Variants in COL4A5 observed in about 807,000 individuals in gnomAD.
COL4A5 encodes collagen alpha-5(IV) chain.
COL4A5 carries 26 observed loss-of-function variants against 130.2 expected under a neutral mutation model. The ratio of observed to expected loss-of-function variants is 0.20; its 90% CI spans 0.15 to 0.28. The LOEUF (loss-of-function observed/expected upper bound fraction) is 0.28, where lower values mean the gene tolerates loss of function less well. Among genes scored for constraint, COL4A5 ranks in the 10% least tolerant of loss-of-function variants. The pLI, the probability that COL4A5 is intolerant of heterozygous loss-of-function variation, is 1.00. For missense variants in COL4A5, 1,131 were observed against 1,344.3 expected (o/e 0.84, Z 2.48); for synonymous variants, 496 against 439.6 (o/e 1.13, Z -1.60).
chrX:108,508,557 CA>C (rs1182036182), intron 1 of COL4A5, among the ~76,000 whole-genome samples: 2,679 of 38,130 alleles, frequency 0.07, 61 homozygotes, highest in African/African-American at 0.18. Context: ...CATGTAGGAC[CA>C]AAAAAAAAAA....
Position 108,652,258 on chromosome X carries a change from A to T in COL4A5, c.3247-3073A>T, listed in dbSNP as rs766792922. Among the ~76,000 whole-genome samples, 3 of 112,385 alleles carry T rather than the reference A, an allele frequency of 2.7e-5. No homozygotes were observed. In the South Asian group the frequency reaches 1.1e-3, roughly 41 times the overall value. ...ATATAAATTAATAAAGCTTTAAAAA[A>T]GTATCTCTGCATGCACTTTTAAATT... On this transcript the variant is annotated intron_variant, in intron 36 of 52. Coordinates refer to ENST00000328300, the MANE Select transcript of COL4A5 (RefSeq NM_033380.3).
At chrX:108,598,198 T>TTAAA (rs913614754) in intron 24 of COL4A5, among the ~76,000 whole-genome samples, 70 of 110,549 alleles carry the variant, frequency 6.3e-4, no homozygotes, top group African/African-American at 2.0e-3. Context: ...TCACAATAAA[T>TTAAA]TAAATAAATA....
chrX:108,477,282 C>G (rs779493502), intron 1 of COL4A5, among the ~76,000 whole-genome samples: 1 of 111,608 alleles, frequency 9.0e-6, no homozygotes, highest in Admixed American at 9.5e-5. Context: ...CTCCTGGGAT[C>G]ATACATAATC....
chrX:108,455,808 G>A (rs1218432030), intron 1 of COL4A5, among the ~76,000 whole-genome samples: 1 of 111,518 alleles, frequency 9.0e-6, no homozygotes, highest in Non-Finnish European at 1.9e-5. Context: ...TGCAGGTGTA[G>A]GTTGAAACTC....
At chrX:108,543,072 A>G (rs1323153597) in intron 2 of COL4A5, among the ~76,000 whole-genome samples, 2 of 110,943 alleles carry the variant, frequency 1.8e-5, no homozygotes, top group Non-Finnish European at 3.8e-5. Context: ...GTTCACTCTG[A>G]TAGTAGTTTC....
intron 37 of COL4A5, among the ~76,000 whole-genome samples, chrX:108,658,455 C>T (rs2067888908): frequency 9.0e-6 from 1 of 110,754 alleles, no homozygotes; most frequent in Non-Finnish European, 1.9e-5. Context: ...ATTTGCTGGC[C>T]TTATGAGCTG....
At position 108,526,648 on chromosome X, in the gene COL4A5, CTT is replaced by C. The variant is rs1203614591; in HGVS notation, c.82-13096_82-13095del. 4.4e-3 allele frequency among the ~76,000 whole-genome samples: 228 copies of C among 52,205 alleles called. 5 individuals carry two copies. The highest frequency in any genetic ancestry group is 0.021 in the African/African-American group (200 of 9,476). The allele number at this position is 52,205 out of a possible 115,157, so 45.3% of individuals were successfully genotyped here. A position where few individuals can be genotyped will look rare whatever the true frequency, so the allele number is the denominator to read the frequency against. ...TCTTTCTTTCTTTCTTTCTTTCTTTCTTTCTTTCTTTCTTCTTTCTTTCTCTT... is the reference window on the plus strand; with the variant it reads ...TCTTTCTTTCTTTCTTTCTTTCTTTCTCTTTCTTTCTTCTTTCTTTCTCTT... On this transcript the variant is annotated intron_variant, in intron 1 of 52. Transcript: ENST00000328300.
At chrX:108,495,277 A>T (rs971230818) in intron 1 of COL4A5, among the ~76,000 whole-genome samples, 2 of 111,502 alleles carry the variant, frequency 1.8e-5, no homozygotes, top group Non-Finnish European at 3.8e-5. Context: ...AGAAAAAAAT[A>T]AAATCATCAC....
Position 108,559,157 on chromosome X carries a change from T to C in COL4A5, c.231+4T>C. ...TCCGGGGCCTCGGGGACAAAAGGTA[T>C]GTATCATGTTGCCAACCAGTAATGC... On this transcript the variant is annotated splice_donor_region_variant and intron_variant, in intron 3 of 52. Transcript: ENST00000328300. 5 of 1,185,738 alleles carry C rather than the reference T, an allele frequency of 4.2e-6. No individual in the cohort carries two copies. Among genetic ancestry groups the C allele is most frequent in the Non-Finnish European group, 5.7e-6 (5 of 871,697 alleles).
intron 1 of COL4A5, among the ~76,000 whole-genome samples, chrX:108,460,656 ATTTTTTTTTTTTTT>A (rs751991149): frequency 3.0e-4 from 12 of 39,455 alleles, no homozygotes; most frequent in Admixed American, 2.8e-3. Context: ...CGCCTGGCAA[ATTTTTTTTTTTTTT>A]TTTTTTTTTT....
chrX:108,538,284 T>G (rs2065483758), intron 1 of COL4A5, among the ~76,000 whole-genome samples: 1 of 112,002 alleles, frequency 8.9e-6, no homozygotes, highest in African/African-American at 3.2e-5. Flanking sequence ...TGTAGTGTAG[T>G]TAGCGTAAAA....
At chrX:108,585,020 A>G (rs184334884) in intron 18 of COL4A5, among the ~76,000 whole-genome samples, 336 of 111,865 alleles carry the variant, frequency 3.0e-3, no homozygotes, top group African/African-American at 0.01. Context: ...GGGACTTTTA[A>G]TAACGCATGT....
rs1396364522 is a variant in COL4A5, at chrX:108,665,488, A to G, written c.3374-19A>G. 2 of 1,153,933 alleles carry G rather than the reference A, an allele frequency of 1.7e-6. No individual in the cohort carries two copies. The highest frequency in any genetic ancestry group is 2.4e-6 in the Non-Finnish European group (2 of 843,966). ...AATGCAGTTTTTCTTTCATTTTTAA[A>G]TTGAGCTCTTTACTCTAGGAACCCC... On this transcript the variant is annotated intron_variant, in intron 37 of 52. Transcript: ENST00000328300.
intron 1 of COL4A5, among the ~76,000 whole-genome samples, chrX:108,520,410 G>A (rs1014727393): frequency 9.0e-6 from 1 of 111,452 alleles, no homozygotes; most frequent in African/African-American, 3.2e-5. Flanking sequence ...ATTAGAACAC[G>A]TTTCTTAGTC....
At chrX:108,503,470 A>C (rs1253058795) in intron 1 of COL4A5, among the ~76,000 whole-genome samples, 1 of 111,790 alleles carries the variant, frequency 8.9e-6, no homozygotes, top group African/African-American at 3.3e-5. Flanking sequence ...AAGCCAAACT[A>C]TCTCTCTTAG....
chrX:108,460,614 T>G (rs911630716), intron 1 of COL4A5, among the ~76,000 whole-genome samples: 2 of 105,149 alleles, frequency 1.9e-5, no homozygotes, highest in Non-Finnish European at 3.9e-5. Flanking sequence ...CTCAGCCTCC[T>G]GAGTAGATGG....
chrX:108,655,288 T>C, intron 36 of COL4A5, 43 bp from the exon 37 acceptor site: 2 of 1,196,606 alleles, frequency 1.7e-6, no homozygotes, highest in Non-Finnish European at 2.3e-6. Context: ...ACAATCTAAG[T>C]CGTGTAGAGA....
intron 1 of COL4A5, among the ~76,000 whole-genome samples, chrX:108,460,590 A>G (rs2064635404): frequency 9.3e-6 from 1 of 107,590 alleles, no homozygotes; most frequent in Non-Finnish European, 1.9e-5. Context: ...CCCGGATTCA[A>G]GCAATTCTCC....
At chrX:108,543,329 T>G (rs1452178910) in intron 2 of COL4A5, among the ~76,000 whole-genome samples, 1 of 112,066 alleles carries the variant, frequency 8.9e-6, no homozygotes, top group Non-Finnish European at 1.9e-5. Flanking sequence ...TACATATGGC[T>G]AGGCAGTTTT....
Sources: allele counts gnomAD v4.1 joint callset (sites outside exome capture counted in the v4.1 genomes callset), GRCh38; gene constraint gnomAD v4.1.1; transcripts MANE v1.5; gene names NCBI Gene and HGNC (gene_info 2026-07-23, HGNC 2026-07-21).